The following OGDH variants were observed in gnomAD, a reference collection of about 807,000 sequenced individuals.
OGDH encodes the protein 2-oxoglutarate dehydrogenase complex component E1.
In OGDH, 38 loss-of-function variants were observed where a neutral mutation model predicts 116.6. The observed-to-expected ratio is 0.33, with a 90% CI of 0.25 to 0.43. The LOEUF is 0.43. OGDH is among the 20% of genes least tolerant of loss of function. The pLI is 1.00. For missense variants in OGDH, 825 were observed against 1,357.2 expected, an observed-to-expected ratio of 0.61 and a Z score of 6.16; for synonymous variants, 488 against 533.3, an observed-to-expected ratio of 0.92 and a Z score of 1.17.
intron 4 of OGDH, among the ~76,000 whole-genome samples, chr7:44,652,370 A>G (rs1038279435): frequency 6.6e-6 from 1 of 152,086 alleles, no homozygotes; most frequent in Non-Finnish European, 1.5e-5. Context: ...TCAGCCTCCC[A>G]AAGTGCTGGG....
At chr7:44,645,184 G>A (rs980066234) in intron 2 of OGDH, 143 bp from the exon 3 acceptor site, 1 of 706,044 alleles carries the variant, frequency 1.4e-6, no homozygotes, top group Non-Finnish European at 2.4e-6. Flanking sequence ...GGAACAGACA[G>A]AGACCCCACT....
rs1025208024 is a variant in OGDH, at chr7:44,650,419, C to T, written c.517+2660C>T. 2.0e-5 allele frequency among the ~76,000 whole-genome samples: 3 copies of T among 152,208 alleles called. No individual in the cohort carries two copies. The East Asian group carries it at 5.8e-4, about 29-fold the overall frequency. ...ACCTTGGGCTAGTTGCTTAACCTCT[C>T]TGTGCCTCATCACCTCATCTGTAAG... On this transcript the variant is annotated intron_variant, in intron 4 of 22. Transcript: ENST00000222673.
Position 44,692,547 on chromosome 7 carries a change from A to G in OGDH, c.1336-1278A>G, listed in dbSNP as rs537746353. Among the ~76,000 whole-genome samples, 4 of 152,330 alleles carry G rather than the reference A, an allele frequency of 2.6e-5. No homozygotes were observed. In the East Asian group the frequency reaches 7.7e-4, roughly 29 times the overall value. On this transcript the variant is annotated intron_variant, in intron 10 of 22. Transcript: ENST00000222673. ...CTCTGTGACAGAAACATTTTGGTCC[A>G]CTAACAAATATGGCGAAACCGTTGG... is the stretch of plus-strand genomic sequence containing the variant.
Position 44,708,195 on chromosome 7 carries a change from C to A in OGDH, c.*196C>A. 1.4e-6 allele frequency: 1 copy of A among 698,118 alleles called. No homozygotes were observed. The highest frequency in any genetic ancestry group is 2.3e-6 in the Non-Finnish European group (1 of 439,202). The allele number at this position is 698,118 out of a possible 1,614,324, so 43.2% of individuals were successfully genotyped here. ...TGGCTGCCCCACAGGCCACACGCTG[C>A]CCAGGCTCTGCTGACTTCTGAGCAG... On this transcript the variant is annotated 3_prime_UTR_variant, in exon 23 of 23. Transcript: ENST00000222673.
At chr7:44,608,783 G>T (rs1408807030) in intron 1 of OGDH, among the ~76,000 whole-genome samples, 1 of 151,836 alleles carries the variant, frequency 6.6e-6, no homozygotes, top group South Asian at 2.1e-4. Context: ...GGTAATTTTT[G>T]AGATCATTGT....
intron 10 of OGDH, among the ~76,000 whole-genome samples, chr7:44,687,149 G>A (rs1392658692): frequency 7.3e-6 from 1 of 136,930 alleles, no homozygotes; most frequent in East Asian, 2.2e-4. Flanking sequence ...CCAGGCTAGA[G>A]TGCAGTGGAG....
At chr7:44,692,327 T>C (rs1788399242) in intron 10 of OGDH, among the ~76,000 whole-genome samples, 1 of 152,200 alleles carries the variant, frequency 6.6e-6, no homozygotes, top group Non-Finnish European at 1.5e-5. Flanking sequence ...CACTGGAAAG[T>C]AGAGACTAAA....
At chr7:44,635,836 T>C (rs1037275073) in intron 2 of OGDH, among the ~76,000 whole-genome samples, 3 of 151,742 alleles carry the variant, frequency 2.0e-5, no homozygotes, top group Admixed American at 1.3e-4. Flanking sequence ...TCCTGAGTAA[T>C]GGGGATTACG....
At chr7:44,681,931 G>A (rs1283966739) in intron 10 of OGDH, 83 bp downstream of exon 10, 1 of 1,525,910 alleles carries the variant, frequency 6.6e-7, no homozygotes, top group Admixed American at 1.9e-5. Context: ...GACGTTCACT[G>A]TTTTCTGATT....
chr7:44,645,668 A>G (rs1276633112), intron 3 of OGDH, 150 bp downstream of exon 3: 2 of 742,562 alleles, frequency 2.7e-6, no homozygotes, highest in African/African-American at 1.8e-5. Context: ...TTGGGAGGCT[A>G]AAAAACAAAT....
intron 10 of OGDH, among the ~76,000 whole-genome samples, chr7:44,693,090 C>T (rs765610948): frequency 1.3e-5 from 2 of 151,980 alleles, no homozygotes; most frequent in Non-Finnish European, 2.9e-5. Context: ...AGGTGGATCA[C>T]AAGGTCAGGA....
At chr7:44,641,672 G>A (rs1372976222) in intron 2 of OGDH, among the ~76,000 whole-genome samples, 1 of 152,186 alleles carries the variant, frequency 6.6e-6, no homozygotes, top group Admixed American at 6.5e-5. Flanking sequence ...TGGAGGCCTG[G>A]GTAGAGGCCA....
intron 4 of OGDH, among the ~76,000 whole-genome samples, chr7:44,656,910 C>A (rs1001920257): frequency 3.3e-5 from 5 of 152,188 alleles, no homozygotes; most frequent in Admixed American, 2.6e-4. Flanking sequence ...AATCCAGAGT[C>A]GAAATGCTGG....
intron 10 of OGDH, among the ~76,000 whole-genome samples, chr7:44,683,909 C>A (rs752269594): frequency 6.6e-6 from 1 of 152,150 alleles, no homozygotes; most frequent in African/African-American, 2.4e-5. Context: ...TAGGCACTCT[C>A]CTAGGTACCA....
At chr7:44,702,066 C>T (rs142995541) in intron 20 of OGDH, among the ~76,000 whole-genome samples, 1,586 of 144,390 alleles carry the variant, frequency 0.011, 28 homozygotes, top group African/African-American at 0.039. Flanking sequence ...AGCAAAACTC[C>T]GGCACAAAAA....
At chr7:44,647,795 G>A in intron 4 of OGDH, 36 bp downstream of exon 4, 2 of 1,524,520 alleles carry the variant, frequency 1.3e-6, no homozygotes, top group Non-Finnish European at 9.1e-7. Context: ...CGTTGCTTGA[G>A]CTCCTCTCGC....
At chr7:44,672,544 C>G (rs73329023) in intron 5 of OGDH, among the ~76,000 whole-genome samples, 1,557 of 152,186 alleles carry the variant, frequency 0.01, 23 homozygotes, top group African/African-American at 0.035. Context: ...CTCTCAGACT[C>G]TCATTCTGGT....
At chr7:44,672,520 T>G (rs1207804187) in intron 5 of OGDH, among the ~76,000 whole-genome samples, 6 of 152,208 alleles carry the variant, frequency 3.9e-5, no homozygotes, top group Non-Finnish European at 8.8e-5. Context: ...TATTCCATGC[T>G]GACTTGCAGT....
At chr7:44,630,898 A>G (rs925952412) in intron 2 of OGDH, among the ~76,000 whole-genome samples, 1 of 152,166 alleles carries the variant, frequency 6.6e-6, no homozygotes, top group African/African-American at 2.4e-5. Context: ...GATTCTCATA[A>G]GGAGTGAACT....
Sources: allele counts gnomAD v4.1 joint callset (sites outside exome capture counted in the v4.1 genomes callset), GRCh38; gene constraint gnomAD v4.1.1; transcripts MANE v1.5; gene names NCBI Gene and HGNC (gene_info 2026-07-23, HGNC 2026-07-21).